The following MCU variants were observed in gnomAD, a reference collection of about 807,000 sequenced individuals.
MCU encodes calcium uniporter protein, mitochondrial.
In MCU, 12 loss-of-function variants were observed where a neutral mutation model predicts 45.2. That is an observed-to-expected ratio of 0.27 (90% CI 0.17 to 0.43). The LOEUF (loss-of-function observed/expected upper bound fraction) is 0.43. Ranked by LOEUF, MCU falls within the 20% of genes least tolerant of loss-of-function variation. The probability of loss-of-function intolerance (pLI) is 1.00; values close to 1 mark genes in which losing one functional copy is unlikely to be tolerated. For missense variants in MCU, 324 were observed against 436.7 expected, an observed-to-expected ratio of 0.74 and a Z score of 2.30; for synonymous variants, 160 against 165.1, an observed-to-expected ratio of 0.97 and a Z score of 0.24.
chr10:72,851,988 T>G (rs1845213647), intron 2 of MCU, among the ~76,000 whole-genome samples: 1 of 152,178 alleles, frequency 6.6e-6, no homozygotes, highest in Non-Finnish European at 1.5e-5. Flanking sequence ...TTATAATTTT[T>G]GCAAAGACAG....
intron 1 of MCU, among the ~76,000 whole-genome samples, chr10:72,772,121 A>G (rs1165128790): frequency 6.6e-6 from 1 of 152,170 alleles, no homozygotes; most frequent in Non-Finnish European, 1.5e-5. Flanking sequence ...AGGCAGAGAC[A>G]AAGTGGGGAG....
At chr10:72,843,575 T>A (rs966514231) in intron 2 of MCU, among the ~76,000 whole-genome samples, 1 of 152,222 alleles carries the variant, frequency 6.6e-6, no homozygotes, top group Non-Finnish European at 1.5e-5. Context: ...CTTGGTTGCT[T>A]CCAAGTTTTG....
intron 4 of MCU, among the ~76,000 whole-genome samples, chr10:72,862,332 T>C (rs1845391654): frequency 6.6e-6 from 1 of 152,178 alleles, no homozygotes; most frequent in African/African-American, 2.4e-5. Context: ...ATATTCATTG[T>C]AACTCACTGC....
At chr10:72,781,040 A>G (rs1214457401) in intron 1 of MCU, among the ~76,000 whole-genome samples, 1 of 152,224 alleles carries the variant, frequency 6.6e-6, no homozygotes, top group Non-Finnish European at 1.5e-5. Flanking sequence ...AATTTTAAGA[A>G]TTGGAACACT....
At chr10:72,844,675 A>G (rs1248350514) in intron 2 of MCU, among the ~76,000 whole-genome samples, 2 of 152,208 alleles carry the variant, frequency 1.3e-5, no homozygotes, top group Non-Finnish European at 2.9e-5. Flanking sequence ...TTCTATTAAA[A>G]TGACAATCTT....
intron 1 of MCU, among the ~76,000 whole-genome samples, chr10:72,703,686 C>T (rs533390205): frequency 2.0e-5 from 3 of 152,152 alleles, no homozygotes; most frequent in Non-Finnish European, 4.4e-5. Context: ...AGGCAGATCA[C>T]TTGAGGCCAG....
intron 1 of MCU, among the ~76,000 whole-genome samples, chr10:72,797,741 G>A (rs544408200): frequency 6.6e-6 from 1 of 151,846 alleles, no homozygotes; most frequent in Non-Finnish European, 1.5e-5. Flanking sequence ...CACTGTGTTG[G>A]CCAGGCTGGT....
chr10:72,720,226 C>G (rs978353270), intron 1 of MCU, among the ~76,000 whole-genome samples: 9 of 152,142 alleles, frequency 5.9e-5, no homozygotes, highest in African/African-American at 2.2e-4. Flanking sequence ...ACATGCCATA[C>G]ATACATGATT....
chr10:72,878,046 A>G (rs1222443160), intron 6 of MCU, among the ~76,000 whole-genome samples: 1 of 151,992 alleles, frequency 6.6e-6, no homozygotes, highest in Admixed American at 6.6e-5. Context: ...AGAAGCAAAC[A>G]TAAATCATCC....
chr10:72,810,635 G>A (rs995138150), intron 1 of MCU, among the ~76,000 whole-genome samples: 11 of 35,806 alleles, frequency 3.1e-4, no homozygotes, highest in Admixed American at 2.9e-3. Context: ...GCCCAGCTAG[G>A]TTGTTGTTGT....
intron 1 of MCU, among the ~76,000 whole-genome samples, chr10:72,700,194 G>T (rs1842741113): frequency 6.6e-6 from 1 of 151,880 alleles, no homozygotes; most frequent in Non-Finnish European, 1.5e-5. Context: ...TGAGTAGCGG[G>T]GATTACAGGC....
At chr10:72,692,977 T>C in intron 1 of MCU, 1 of 1,535,934 alleles carries the variant, frequency 6.5e-7, no homozygotes, top group Non-Finnish European at 8.7e-7. Context: ...AAGGTGCTTT[T>C]GGGGGTCCTT....
rs1845340931 is a variant in MCU, at chr10:72,859,305, G to C, written c.349G>C (p.Glu117Gln). Residue 117 changes from glutamate to glutamine, a missense_variant, in exon 3 of 8, where the codon GAA becomes CAA. By Grantham distance (29) the Glu-to-Gln change is conservative. Around this residue, in one of 4 missense-constraint regions of MCU, gnomAD observed 135 missense variants for 207.3 expected, o/e 0.65. Transcript: ENST00000373053. ...SVGVFLRQLQ[E>Q]EDRGIDRVAI... ...TGGTGTATTTTTACGACAACTGCAA[G>C]AAGAGGATCGGGGAATTGACAGAGT... 6.2e-7 allele frequency: 1 copy of C among 1,613,702 alleles called. No individual in the cohort carries two copies. The highest frequency in any genetic ancestry group is 1.1e-5 in the South Asian group (1 of 91,006).
chr10:72,844,396 G>A (rs761746163), intron 2 of MCU, among the ~76,000 whole-genome samples: 12 of 151,362 alleles, frequency 7.9e-5, no homozygotes, highest in Non-Finnish European at 1.8e-4. Flanking sequence ...CAAAAAAAAT[G>A]TAAAAAAATA....
chr10:72,882,160 C>A (rs1015059189), intron 6 of MCU, among the ~76,000 whole-genome samples: 10 of 152,198 alleles, frequency 6.6e-5, no homozygotes, highest in South Asian at 6.2e-4. Context: ...GTGATTTCCT[C>A]TGCCTGTCTT....
At chr10:72,781,803 G>A (rs1342063746) in intron 1 of MCU, among the ~76,000 whole-genome samples, 6 of 151,874 alleles carry the variant, frequency 4.0e-5, no homozygotes, top group Admixed American at 3.3e-4. Flanking sequence ...GTATGTTTAA[G>A]GTCTTTGCGA....
chr10:72,833,493 A>G (rs1199237302), intron 1 of MCU, among the ~76,000 whole-genome samples: 1 of 152,242 alleles, frequency 6.6e-6, no homozygotes, highest in Non-Finnish European at 1.5e-5. Context: ...GACAATGCAC[A>G]CCTTAATACA....
chr10:72,861,766 A>G (rs1309501305), intron 4 of MCU: 10 of 313,422 alleles, frequency 3.2e-5, no homozygotes, highest in South Asian at 9.6e-5. Context: ...CAAAGTGCCG[A>G]GATTATAGCC....
intron 4 of MCU, among the ~76,000 whole-genome samples, chr10:72,868,487 G>T (rs971389791): frequency 6.6e-6 from 1 of 151,720 alleles, no homozygotes; most frequent in South Asian, 2.1e-4. Flanking sequence ...TGGAGGTAGG[G>T]GCTGCAGTGA....
Sources: allele counts gnomAD v4.1 joint callset (sites outside exome capture counted in the v4.1 genomes callset), GRCh38; gene constraint gnomAD v4.1.1; regional missense constraint gnomAD v4.1.1; transcripts MANE v1.5; gene names NCBI Gene and HGNC (gene_info 2026-07-23, HGNC 2026-07-21).